The following PTPN2 variants were observed in gnomAD, a reference collection of about 807,000 sequenced individuals.
The protein encoded by PTPN2 is tyrosine-protein phosphatase non-receptor type 2.
In PTPN2, 19 loss-of-function variants were observed where a neutral mutation model predicts 57.3. The ratio of observed to expected loss-of-function variants is 0.33; its 90% CI spans 0.23 to 0.49. The LOEUF is 0.49. Among genes scored for constraint, PTPN2 ranks in the 20% least tolerant of loss-of-function variants. The pLI is 0.99. For synonymous variants in PTPN2, 153 were observed against 164.9 expected, an observed-to-expected ratio of 0.93 and a Z score of 0.55; for missense variants, 358 against 501.1, an observed-to-expected ratio of 0.71 and a Z score of 2.73.
In PTPN2 at chr18:12,859,223, T is replaced by C; in HGVS notation, c.101A>G (p.His34Arg). 6.2e-7 allele frequency: 1 copy of C among 1,613,298 alleles called. No individual in the cohort carries two copies. The highest frequency in any genetic ancestry group is 2.2e-5 in the East Asian group (1 of 44,854). ...EIRNESHDYP[H>R]RVAKFPENRN... The stretch of plus-strand genomic sequence containing the variant: ...GTTTTCTGGAAACTTGGCCACTCTA[T>C]GAGGATAGTCATGGGACTCATTTCG... Residue 34 changes from histidine to arginine, a missense_variant, in exon 2 of 9, where the codon CAT becomes CGT. Around this residue, in one of 4 missense-constraint regions of PTPN2, gnomAD observed 62 missense variants for 47.9 expected, o/e 1.29. Transcript: ENST00000309660.
At chr18:12,787,355 G>A (rs944929692), downstream of PTPN2, 17 of 152,308 alleles carry the variant, frequency 1.1e-4, no homozygotes, top group East Asian at 1.3e-3. Context: ...TGTACTAGCT[G>A]TGCAATCTTG....
At chr18:12,883,640 G>A (rs1315399650) in intron 1 of PTPN2, 1 of 154,602 alleles carries the variant, frequency 6.5e-6, no homozygotes, top group African/African-American at 2.4e-5. Flanking sequence ...CACCCGGCCA[G>A]AGAAAGAGCT....
downstream of PTPN2, chr18:12,792,136 T>C (rs1359578949): frequency 1.3e-5 from 10 of 789,060 alleles, no homozygotes; most frequent in Non-Finnish European, 1.4e-5. Flanking sequence ...TAATACTGAA[T>C]CAGGACACAG....
intron 2 of PTPN2, among the ~76,000 whole-genome samples, chr18:12,838,626 C>A (rs1023116625): frequency 1.3e-5 from 2 of 152,136 alleles, no homozygotes; most frequent in African/African-American, 4.8e-5. Context: ...AGTGGCCTCG[C>A]TTCCTGTTTA....
chr18:12,815,085 AAAAT>A (rs199758431), intron 6 of PTPN2, among the ~76,000 whole-genome samples: 21,206 of 136,810 alleles, frequency 0.16, 2,047 homozygotes, highest in South Asian at 0.33. Flanking sequence ...CTCCATCTCA[AAAAT>A]AAATAAATAA....
At chr18:12,860,041 C>T (rs1331783757) in intron 1 of PTPN2, among the ~76,000 whole-genome samples, 2 of 152,008 alleles carry the variant, frequency 1.3e-5, no homozygotes, top group Non-Finnish European at 2.9e-5. Flanking sequence ...GTAATACCAG[C>T]GCTTTGGGAG....
intron 6 of PTPN2, among the ~76,000 whole-genome samples, chr18:12,814,627 C>T (rs2042003928): frequency 6.6e-6 from 1 of 152,176 alleles, no homozygotes; most frequent in African/African-American, 2.4e-5. Flanking sequence ...CTCATTCCTT[C>T]TGGCCAGTCA....
intron 1 of PTPN2, among the ~76,000 whole-genome samples, chr18:12,874,469 G>C (rs1411749712): frequency 7.6e-6 from 1 of 131,854 alleles, no homozygotes; most frequent in Non-Finnish European, 1.6e-5. Context: ...GCCTCTGCCC[G>C]GCCGCCCCTA....
intron 1 of PTPN2, among the ~76,000 whole-genome samples, chr18:12,860,254 A>G (rs1291599082): frequency 6.6e-6 from 1 of 150,844 alleles, no homozygotes; most frequent in African/African-American, 2.4e-5. Context: ...GTGCCATTGC[A>G]CTCCAGTCTG....
Position 12,805,775 on chromosome 18 carries a change from G to A in PTPN2, c.859-3624C>T, listed in dbSNP as rs966639541. Among the ~76,000 whole-genome samples, 6 of 151,462 alleles carry A rather than the reference G, an allele frequency of 4.0e-5. No individual in the cohort carries two copies. The South Asian group carries it at 8.3e-4, about 21-fold the overall frequency. On this transcript the variant is annotated intron_variant, in intron 7 of 8. Coordinates refer to ENST00000309660, the MANE Select transcript of PTPN2 (RefSeq NM_002828.4). ...CTCCCGAGTAGCTGGGACTACAGGC[G>A]CGTGCCAGCATACCCAGCTAATTTT...
chr18:12,861,393 A>G (rs529519793), intron 1 of PTPN2, among the ~76,000 whole-genome samples: 1 of 152,292 alleles, frequency 6.6e-6, no homozygotes, highest in Non-Finnish European at 1.5e-5. Context: ...CACACGCAGG[A>G]GTCTGTTTCT....
chr18:12,858,466 G>A (rs2043673381), intron 2 of PTPN2, among the ~76,000 whole-genome samples: 1 of 152,122 alleles, frequency 6.6e-6, no homozygotes, highest in Non-Finnish European at 1.5e-5. Context: ...GTCTGTGTGT[G>A]TATACATCAT....
At chr18:12,800,060 G>C (rs1398812424) in intron 8 of PTPN2, among the ~76,000 whole-genome samples, 2 of 152,154 alleles carry the variant, frequency 1.3e-5, no homozygotes, top group Admixed American at 6.6e-5. Flanking sequence ...AAGGAAAAAA[G>C]GGAAAGAAGA....
chr18:12,849,248 G>A (rs2043310325), intron 2 of PTPN2, among the ~76,000 whole-genome samples: 1 of 152,042 alleles, frequency 6.6e-6, no homozygotes, highest in Non-Finnish European at 1.5e-5. Flanking sequence ...TTTCTCCTTT[G>A]TTACTGTGGT....
chr18:12,792,415 T>G lies in PTPN2; in HGVS notation c.*1863A>C, dbSNP rs747063409. The G allele has an allele frequency of 3.0e-4, 56 of 185,990 alleles. No individual in the cohort carries two copies. Among genetic ancestry groups the G allele is most frequent in the Non-Finnish European group, 5.1e-4 (51 of 99,358 alleles). 11.5% of individuals were successfully genotyped at this position (185,990 alleles called of 1,614,324 possible). A position where few individuals can be genotyped will look rare whatever the true frequency, so the allele number is the denominator to read the frequency against. ...CTCCTGCCTTAGCCTCCCAAGGAGC[T>G]GGGACTACAGGCATGCACCACCACG... is the stretch of plus-strand genomic sequence containing the variant. On this transcript the variant is annotated 3_prime_UTR_variant, in exon 9 of 9. Coordinates refer to ENST00000309660, the MANE Select transcript of PTPN2 (RefSeq NM_002828.4).
At chr18:12,796,076 G>A (rs768388581) in intron 8 of PTPN2, among the ~76,000 whole-genome samples, 3 of 151,734 alleles carry the variant, frequency 2.0e-5, no homozygotes, top group Non-Finnish European at 2.9e-5. Flanking sequence ...GATAAATAAT[G>A]ATTAAAGAAA....
At chr18:12,870,392 T>TAC (rs1491559237) in intron 1 of PTPN2, among the ~76,000 whole-genome samples, 2,430 of 67,456 alleles carry the variant, frequency 0.036, 208 homozygotes, top group Non-Finnish European at 0.055. Flanking sequence ...TACGTATATA[T>TAC]GTATATATAC....
chr18:12,814,342 TCTC>T lies in PTPN2; in HGVS notation c.716_718del (p.Gly239del), dbSNP rs1344438011. The T allele has an allele frequency of 6.3e-7, 1 of 1,589,260 alleles. No homozygotes were observed. Among genetic ancestry groups the T allele is most frequent in the Admixed American group, 1.9e-5 (1 of 52,988 alleles). ...TAACACTTGTTTTATGTTAATATCA[TCTC>T]CTTTTTCCATCTGCAAGAAAGGCAA... On this transcript the variant is annotated inframe_deletion, in exon 7 of 9. Coordinates refer to ENST00000309660, the MANE Select transcript of PTPN2 (RefSeq NM_002828.4).
intron 4 of PTPN2, among the ~76,000 whole-genome samples, chr18:12,829,112 G>A (rs1249950253): frequency 1.3e-5 from 2 of 152,058 alleles, no homozygotes; most frequent in Non-Finnish European, 2.9e-5. Context: ...TGCCCAGGCT[G>A]GTCTCAAACT....
Sources: gnomAD v4.1 joint callset for allele counts (sites outside exome capture counted in the v4.1 genomes callset) on GRCh38, gnomAD v4.1.1 for gene constraint, gnomAD v4.1.1 regional missense constraint, MANE v1.5 for transcripts, NCBI Gene and HGNC (gene_info 2026-07-23, HGNC 2026-07-21) for gene names.